ITGB3: variants seen among roughly 807,000 people sequenced by gnomAD.
The protein encoded by ITGB3 is integrin beta-3.
ITGB3 carries 48 observed loss-of-function variants against 85.8 expected under a neutral mutation model. That is an observed-to-expected ratio of 0.56 (90% confidence interval 0.44 to 0.71). ITGB3 has a LOEUF of 0.71. Among genes scored for constraint, ITGB3 ranks in the 30% least tolerant of loss-of-function variants. The pLI is 0.00. For synonymous variants in ITGB3, 363 were observed against 395.6 expected (o/e 0.92, Z 0.98); for missense variants, 861 against 1,019.1 (o/e 0.84, Z 2.11).
intron 1 of ITGB3, among the ~76,000 whole-genome samples, chr17:47,255,836 G>A (rs912020995): frequency 2.0e-5 from 3 of 152,232 alleles, no homozygotes; most frequent in African/African-American, 4.8e-5. Context: ...TTAGCGTGCA[G>A]TGAGCAGTCT....
At chr17:47,287,399 C>G (rs2143099757) in intron 6 of ITGB3, among the ~76,000 whole-genome samples, 168 bp downstream of exon 6, 1 of 152,290 alleles carries the variant, frequency 6.6e-6, no homozygotes, top group African/African-American at 2.4e-5. Context: ...CGTCATCCAG[C>G]ATACAACCTA....
At chr17:47,300,366 T>TGA (rs2065162543) in intron 11 of ITGB3, 112 bp from the exon 12 acceptor site, 1 of 762,422 alleles carries the variant, frequency 1.3e-6, no homozygotes, top group Non-Finnish European at 2.3e-6. Flanking sequence ...TGTGTGTGTG[T>TGA]GTTTTAATGG....
chr17:47,306,854 A>T (rs1051377215), intron 13 of ITGB3, among the ~76,000 whole-genome samples: 1 of 151,484 alleles, frequency 6.6e-6, no homozygotes, highest in African/African-American at 2.4e-5. Flanking sequence ...TAATTTTTGT[A>T]GTTTTAGTAG....
chr17:47,283,865 G>A (rs2065093196), intron 3 of ITGB3, among the ~76,000 whole-genome samples: 1 of 152,158 alleles, frequency 6.6e-6, no homozygotes, highest in Non-Finnish European at 1.5e-5. Flanking sequence ...GTTTTACCTA[G>A]CTTAGAGCTT....
At chr17:47,272,727 CGTTCTTTCT>C (rs1316211286) in intron 1 of ITGB3, among the ~76,000 whole-genome samples, 1 of 108,734 alleles carries the variant, frequency 9.2e-6, no homozygotes, top group Non-Finnish European at 2.0e-5. Context: ...TTCTTTCTTT[CGTTCTTTCT>C]TTTCTTTCTT....
rs138874256 is a variant in ITGB3, at chr17:47,313,439, C to T, written c.*3235C>T. Among the ~76,000 whole-genome samples the T allele has an allele frequency of 0.01, 1,556 of 151,070 alleles. 32 individuals carry two copies. The highest frequency in any genetic ancestry group is 0.049 in the East Asian group (252 of 5,110). On this transcript the variant is annotated 3_prime_UTR_variant, in exon 15 of 15. Transcript: ENST00000559488. ...TCTGCTCACTGCAAGCTTCGCCTCC[C>T]GGGTTCACGCCATTCTCCTGCCTCA...
chr17:47,304,577 C>T (rs2065180129), intron 13 of ITGB3, among the ~76,000 whole-genome samples: 1 of 152,042 alleles, frequency 6.6e-6, no homozygotes, highest in South Asian at 2.1e-4. Flanking sequence ...TTTGTCTTGG[C>T]TTCCTGCTTT....
chr17:47,284,823 C>A, intron 4 of ITGB3, 128 bp downstream of exon 4: 1 of 1,280,576 alleles, frequency 7.8e-7, no homozygotes, highest in Non-Finnish European at 1.1e-6. Flanking sequence ...TCCTTTCTAC[C>A]TTGGTCTCCC....
At position 47,299,672 on chromosome 17, in the gene ITGB3, C is replaced by T; in HGVS notation, c.1913+142C>T. ...CCACTCCAGCCAGATGGCTGTCTCT[C>T]CTTTTGCCAAAGGCTTTGGGCAAGT... On this transcript the variant is annotated intron_variant, in intron 11 of 14. Transcript: ENST00000559488. The surrounding 1 kb of genome is among the most constrained non-coding windows in gnomAD (Gnocchi z 5.1). The T allele has an allele frequency of 1.2e-6, 1 of 841,796 alleles. No individual in the cohort carries two copies. Among genetic ancestry groups the T allele is most frequent in the Non-Finnish European group, 1.9e-6 (1 of 514,224 alleles). 52.1% of individuals were successfully genotyped at this position (841,796 alleles called of 1,614,324 possible).
chr17:47,306,281 T>C (rs184682420), intron 13 of ITGB3, among the ~76,000 whole-genome samples: 1,813 of 128,616 alleles, frequency 0.014, 19 homozygotes, highest in Middle Eastern at 0.023. Flanking sequence ...TATTTCTCTC[T>C]TTCTTTCTTT....
intron 5 of ITGB3, 37 bp from the exon 6 acceptor site, chr17:47,287,033 G>A (rs751784488): frequency 6.2e-7 from 1 of 1,606,136 alleles, no homozygotes; most frequent in South Asian, 1.1e-5. Flanking sequence ...AATTTGTTTT[G>A]TCTCCTCTGC....
In ITGB3 at chr17:47,300,344, C is replaced by T. The variant is rs184938293; in HGVS notation, c.1914-134C>T. The T allele has an allele frequency of 0.047, 32,365 of 686,390 alleles. 1,013 individuals carry two copies. Among genetic ancestry groups the T allele is most frequent in the Middle Eastern group, 0.1 (266 of 2,632 alleles). The allele number at this position is 686,390 out of a possible 1,614,324, so 42.5% of individuals were successfully genotyped here. On this transcript the variant is annotated intron_variant, in intron 11 of 14. Transcript: ENST00000559488. ...CAGGATTGTCTTACAGGCGCGCGCG[C>T]GCGTGTGTGTGTGTGTGTGTGTGTT...
At chr17:47,298,713 G>A (rs2065154965) in intron 10 of ITGB3, among the ~76,000 whole-genome samples, 1 of 152,214 alleles carries the variant, frequency 6.6e-6, no homozygotes, top group Non-Finnish European at 1.5e-5. Context: ...TGGACCCTAT[G>A]TTGTTGTCTA....
chr17:47,258,981 G>A (rs904781952), intron 1 of ITGB3, among the ~76,000 whole-genome samples: 6 of 152,184 alleles, frequency 3.9e-5, no homozygotes, highest in African/African-American at 1.2e-4. Flanking sequence ...GTCATCCTCC[G>A]TGTTGGAACA....
chr17:47,298,429 C>T (rs1423404238), intron 10 of ITGB3, among the ~76,000 whole-genome samples: 1 of 152,168 alleles, frequency 6.6e-6, no homozygotes, highest in Non-Finnish European at 1.5e-5. Flanking sequence ...TTGGCCAACT[C>T]CATGGGTTCT....
At chr17:47,272,364 T>A (rs990994813) in intron 1 of ITGB3, among the ~76,000 whole-genome samples, 14 of 152,070 alleles carry the variant, frequency 9.2e-5, no homozygotes, top group South Asian at 2.1e-4. Flanking sequence ...ATTTTTTTTT[T>A]AAAAGAATAA....
In ITGB3 at chr17:47,300,348, T is replaced by G; in HGVS notation, c.1914-130T>G. ...ATTGTCTTACAGGCGCGCGCGCGCG[T>G]GTGTGTGTGTGTGTGTGTGTTTTAA... On this transcript the variant is annotated intron_variant, in intron 11 of 14. Coordinates refer to ENST00000559488, the MANE Select transcript of ITGB3 (RefSeq NM_000212.3). 7 of 403,396 alleles carry G rather than the reference T, an allele frequency of 1.7e-5. No individual in the cohort carries two copies. In the East Asian group the frequency reaches 2.1e-4, roughly 12 times the overall value. 25.0% of individuals were successfully genotyped at this position (403,396 alleles called of 1,614,324 possible).
At chr17:47,294,857 G>C (rs1358447193) in intron 10 of ITGB3, among the ~76,000 whole-genome samples, 1 of 152,184 alleles carries the variant, frequency 6.6e-6, no homozygotes, top group African/African-American at 2.4e-5. Context: ...CAGGAGGCAG[G>C]TGTTCTGTGA....
chr17:47,259,915 AC>A (rs1370611489), intron 1 of ITGB3, among the ~76,000 whole-genome samples: 2 of 152,292 alleles, frequency 1.3e-5, no homozygotes, highest in East Asian at 3.9e-4. Context: ...ACAGAACAAA[AC>A]AAAACAAATA....
Sources: gnomAD v4.1 joint callset for allele counts (sites outside exome capture counted in the v4.1 genomes callset) on GRCh38, gnomAD v4.1.1 for gene constraint, Gnocchi (gnomAD v3.1) non-coding constraint, MANE v1.5 for transcripts, NCBI Gene and HGNC (gene_info 2026-07-23, HGNC 2026-07-21) for gene names.